The following TVP23C variants were observed in gnomAD, a reference collection of about 807,000 sequenced individuals.
TVP23C encodes Golgi apparatus membrane protein TVP23 homolog C.
A neutral mutation model predicts 28.7 loss-of-function variants in TVP23C; 19 were observed. That is an observed-to-expected ratio of 0.66 (90% CI 0.46 to 0.97). The LOEUF (loss-of-function observed/expected upper bound fraction) is 0.97. TVP23C is among the 50% of genes least tolerant of loss of function. The pLI is 0.00. For missense variants in TVP23C, 186 were observed against 241.3 expected (o/e 0.77, Z 1.52); for synonymous variants, 68 against 81.7 (o/e 0.83, Z 0.90).
intron 5 of TVP23C, among the ~76,000 whole-genome samples, chr17:15,523,334 CAG>C (rs1461107300): frequency 6.7e-6 from 1 of 148,646 alleles, no homozygotes; most frequent in African/African-American, 2.5e-5. Context: ...CTTTTTGAGA[CAG>C]AGTCTCGCTC....
At chr17:15,518,027 G>T (rs965485925) in intron 5 of TVP23C, among the ~76,000 whole-genome samples, 3 of 152,008 alleles carry the variant, frequency 2.0e-5, no homozygotes, top group African/African-American at 7.3e-5. Context: ...AATTAGCTGG[G>T]CGTGGTGGCA....
chr17:15,547,134 T>C lies in TVP23C; in HGVS notation c.255A>G (p.Arg85=). ...TCCACCAACGTAGGCCAACCATTAG[T>C]CTACCTGTGACATTCTGGTGAAGAT... is the stretch of plus-strand genomic sequence containing the variant. ...DFWAVKNVTG[R]LMVGLRWWNH... Residue 85 remains arginine (R), a synonymous_variant, in exon 4 of 6, where the codon AGA becomes AGG. Coordinates refer to ENST00000518321, the MANE Select transcript of TVP23C (RefSeq NM_001135036.2). 1.2e-6 allele frequency: 2 copies of C among 1,610,334 alleles called. No individual in the cohort carries two copies. Among genetic ancestry groups the C allele is most frequent in the South Asian group, 2.2e-5 (2 of 90,164 alleles).
downstream of TVP23C, among the ~76,000 whole-genome samples, chr17:15,532,545 C>T (rs1013036579): frequency 5.3e-5 from 8 of 152,240 alleles, no homozygotes; most frequent in African/African-American, 1.9e-4. Context: ...CAAGTTAAAA[C>T]ACCACAAACC....
In TVP23C at chr17:15,538,498, A is replaced by G. The variant is rs1983257814; in HGVS notation, c.*1914T>C. 14 of 761,450 alleles carry G rather than the reference A, an allele frequency of 1.8e-5. No homozygotes were observed. Among genetic ancestry groups the G allele is most frequent in the East Asian group, 1.3e-4 (1 of 7,738 alleles). 47.2% of individuals were successfully genotyped at this position (761,450 alleles called of 1,614,324 possible). On this transcript the variant is annotated 3_prime_UTR_variant, in exon 6 of 6. Coordinates refer to ENST00000518321, the MANE Select transcript of TVP23C (RefSeq NM_001135036.2). ...CCAGCTACTCGGGAGGCTGAGGCAG[A>G]AGAATAGTATGAACCCGGGAGGTGG...
Position 15,555,283 on chromosome 17 carries a change from T to G in TVP23C, c.94A>C (p.Arg32=). The G allele has an allele frequency of 6.2e-7, 1 of 1,613,992 alleles. No homozygotes were observed. Among genetic ancestry groups the G allele is most frequent in the South Asian group, 1.1e-5 (1 of 91,076 alleles). ...TTNRPRKAKI[R]HPVASFFHLF... The stretch of plus-strand genomic sequence containing the variant: ...AGCTCATGCAACTTCTCCTCCTACC[T>G]GATTTTGGCTTTTCTTGGTCTATTA... Residue 32 remains arginine (R), a splice_region_variant and synonymous_variant, in exon 2 of 6, where the codon AGA becomes CGA. Coordinates refer to ENST00000518321, the MANE Select transcript of TVP23C (RefSeq NM_001135036.2).
At chr17:15,510,422 A>C (rs2150828595) in intron 5 of TVP23C, among the ~76,000 whole-genome samples, 1 of 152,376 alleles carries the variant, frequency 6.6e-6, no homozygotes, top group East Asian at 1.9e-4. Context: ...GATGCAAGTC[A>C]AAACCTATGA....
chr17:15,549,187 G>A (rs1983779265), intron 3 of TVP23C, among the ~76,000 whole-genome samples: 1 of 152,170 alleles, frequency 6.6e-6, no homozygotes, highest in Non-Finnish European at 1.5e-5. Flanking sequence ...CTGTATGAAG[G>A]TGATGTGGGA....
intron 5 of TVP23C, among the ~76,000 whole-genome samples, chr17:15,515,801 T>C (rs1185909095): frequency 6.6e-6 from 1 of 152,036 alleles, no homozygotes; most frequent in Admixed American, 6.5e-5. Flanking sequence ...GGCACAGTGA[T>C]GGAGTTTGGA....
intron 1 of TVP23C, among the ~76,000 whole-genome samples, chr17:15,561,634 A>AATGAATG (rs1567646851): frequency 5.8e-4 from 48 of 82,794 alleles, no homozygotes; most frequent in African/African-American, 3.6e-3. Flanking sequence ...ATGAATGAAT[A>AATGAATG]AATAAATAAA....
At chr17:15,522,235 T>C (rs1263396801) in intron 5 of TVP23C, among the ~76,000 whole-genome samples, 1 of 152,240 alleles carries the variant, frequency 6.6e-6, no homozygotes, top group Non-Finnish European at 1.5e-5. Context: ...AGAAAATCTT[T>C]ATGTTCTTAG....
chr17:15,508,955 T>C (rs1271433120), intron 5 of TVP23C, among the ~76,000 whole-genome samples: 1 of 152,226 alleles, frequency 6.6e-6, no homozygotes, highest in African/African-American at 2.4e-5. Context: ...ATGTTCTGAC[T>C]TCAGTTTTTA....
intron 5 of TVP23C, among the ~76,000 whole-genome samples, chr17:15,516,233 C>T (rs1982220060): frequency 6.6e-6 from 1 of 152,226 alleles, no homozygotes; most frequent in South Asian, 2.1e-4. Flanking sequence ...TGCCGCAGTG[C>T]ACAGCCAGGA....
chr17:15,503,338 G>A lies in TVP23C; in HGVS notation c.463-106C>T, dbSNP rs909720057. The A allele has an allele frequency of 5.1e-6, 7 of 1,363,370 alleles. No homozygotes were observed. The African/African-American group carries it at 7.3e-5, about 14-fold the overall frequency. The allele number at this position is 1,363,370 out of a possible 1,614,324, so 84.5% of individuals were successfully genotyped here. On this transcript the variant is annotated intron_variant, in intron 5 of 5. Coordinates refer to the TVP23C transcript ENST00000225576. ...GAGGATCGCTTCAGCCCAGGAAGTC[G>A]AAGCTGCAATGAGCTGTGACCACGC...
intron 1 of TVP23C, among the ~76,000 whole-genome samples, chr17:15,559,313 T>TTAA (rs1187916400): frequency 1.9e-5 from 2 of 105,164 alleles, no homozygotes; most frequent in Non-Finnish European, 3.9e-5. Context: ...GGTACAGATT[T>TTAA]AAAAAAAAAA....
intron 5 of TVP23C, 101 bp downstream of exon 5, chr17:15,545,684 G>T: frequency 6.8e-7 from 1 of 1,466,770 alleles, no homozygotes; most frequent in South Asian, 1.6e-5. Flanking sequence ...GCCTATTCAA[G>T]ATAGGTCCCT....
intron 5 of TVP23C, chr17:15,516,598 C>T (rs1464319428): frequency 6.6e-6 from 1 of 152,144 alleles, no homozygotes; most frequent in African/African-American, 2.4e-5. Context: ...TTAAGGCCTA[C>T]CCATATGACC....
intron 5 of TVP23C, among the ~76,000 whole-genome samples, chr17:15,507,842 AAAAAG>A (rs1412134127): frequency 1.3e-5 from 2 of 152,166 alleles, no homozygotes; most frequent in African/African-American, 2.4e-5. Context: ...CCATCTCAAA[AAAAAG>A]AAAAGAAAAA....
chr17:15,553,776 A>C lies in TVP23C; in HGVS notation c.149T>G (p.Val50Gly). 1 of 1,614,014 alleles carries C rather than the reference A, an allele frequency of 6.2e-7. No homozygotes were observed. Among genetic ancestry groups the C allele is most frequent in the Non-Finnish European group, 8.5e-7 (1 of 1,179,886 alleles). The change falls in exon 3 of 6, where the codon GTC becomes GGC. Residue 50 changes from valine to glycine, a missense_variant. By Grantham distance (109) the Val-to-Gly change is moderately radical. Around this residue, in one of 3 missense-constraint regions of TVP23C, gnomAD observed 92 missense variants for 94.3 expected, o/e 0.98. Transcript: ENST00000518321. Reference protein sequence around the residue: ...HLFFRVSAIIVCLLCELLSSS... With the variant: ...HLFFRVSAIIGCLLCELLSSS... The stretch of plus-strand genomic sequence containing the variant: ...GCTGAGCAACTCACAGAGAAGACAG[A>C]CGATGATTGCACTGACTCGAAAGAA...
At chr17:15,523,374 G>T (rs372928668) in intron 5 of TVP23C, among the ~76,000 whole-genome samples, 12 of 151,250 alleles carry the variant, frequency 7.9e-5, no homozygotes, top group East Asian at 5.9e-4. Context: ...GCAGTGGCAC[G>T]ATCTCAGCTC....
Sources: allele counts gnomAD v4.1 joint callset (sites outside exome capture counted in the v4.1 genomes callset), GRCh38; gene constraint gnomAD v4.1.1; regional missense constraint gnomAD v4.1.1; transcripts MANE v1.5; gene names NCBI Gene and HGNC (gene_info 2026-07-23, HGNC 2026-07-21).